PLA2G4F: variants seen among roughly 807,000 people sequenced by gnomAD.
The protein encoded by PLA2G4F is phospholipase A2 group IVF.
A neutral mutation model predicts 103.1 loss-of-function variants in PLA2G4F; 105 were observed. The observed-to-expected ratio is 1.02, with a 90% CI of 0.87 to 1.20. The LOEUF (loss-of-function observed/expected upper bound fraction) is 1.20, where lower values mean the gene tolerates loss of function less well. Ranked by LOEUF, PLA2G4F falls within the 50% of genes most tolerant of loss-of-function variation. The pLI, the probability that PLA2G4F is intolerant of heterozygous loss-of-function variation, is 0.00. For missense variants in PLA2G4F, 1,155 were observed against 1,075.9 expected (o/e 1.07, Z -1.03); for synonymous variants, 468 against 441.1 (o/e 1.06, Z -0.76).
At chr15:42,149,034 T>C in intron 11 of PLA2G4F, 1 of 985,332 alleles carries the variant, frequency 1.0e-6, no homozygotes, top group Non-Finnish European at 1.2e-6. Context: ...CCTGATCCCC[T>C]GTAAGTCCCT....
chr15:42,156,284 C>T (rs1360956577), intron 1 of PLA2G4F, among the ~76,000 whole-genome samples, 155 bp downstream of exon 1: 1 of 152,146 alleles, frequency 6.6e-6, no homozygotes, highest in Non-Finnish European at 1.5e-5. Flanking sequence ...TTTTAAGAGC[C>T]AAGGTCTAAT....
In PLA2G4F at chr15:42,150,481, G is replaced by C; in HGVS notation, c.777C>G (p.Gly259=). 6.2e-7 allele frequency: 1 copy of C among 1,611,926 alleles called. No homozygotes were observed. Among genetic ancestry groups the C allele is most frequent in the Non-Finnish European group, 8.5e-7 (1 of 1,179,324 alleles). ...TCTGAGCCTCCAACTCTGCGCTGGG[G>C]CCACTCTGTGGAAAAGAAAACACCC... The part of the protein sequence containing the change: ...LMELLAAVQS[G]PSAELEAQTS... Residue 259 remains glycine, a synonymous_variant, in exon 9 of 20, where the codon GGC becomes GGG. Coordinates refer to ENST00000397272, the MANE Select transcript of PLA2G4F (RefSeq NM_213600.4).
intron 7 of PLA2G4F, 52 bp from the exon 8 acceptor site, chr15:42,150,829 C>T: frequency 1.3e-6 from 2 of 1,570,518 alleles, no homozygotes; most frequent in Non-Finnish European, 1.7e-6. Context: ...GGGTCTGTGT[C>T]TCTGCGGCTT....
chr15:42,150,375 C>A lies in PLA2G4F; in HGVS notation c.883G>T (p.Glu295Ter). 6.2e-7 allele frequency: 1 copy of A among 1,606,536 alleles called. No individual in the cohort carries two copies. Residue 295 changes from glutamate to a stop codon, truncating the protein, a stop_gained and splice_region_variant, in exon 9 of 20, where the codon GAG (glutamate) becomes TAG (stop). Transcript: ENST00000397272. LOFTEE classifies it high-confidence loss of function. ...CTGGCACCCAGACAGAGCCTTACCT[C>A]CCCCAGGGCCACAGAACACTGTTCC... ...QEEQCSVALG[E>*]GQEVALSMKV...
At chr15:42,149,089 G>A (rs1193343189) in intron 11 of PLA2G4F, 1 of 985,240 alleles carries the variant, frequency 1.0e-6, no homozygotes, top group Non-Finnish European at 1.2e-6. Context: ...CAGGCTGGCT[G>A]TCTCTATACC....
chr15:42,142,223 G>C lies in PLA2G4F; in HGVS notation c.2330-19C>G. The C allele has an allele frequency of 6.3e-7, 1 of 1,597,342 alleles. No individual in the cohort carries two copies. Among genetic ancestry groups the C allele is most frequent in the East Asian group, 2.2e-5 (1 of 44,772 alleles). On this transcript the variant is annotated intron_variant, in intron 19 of 19. Transcript: ENST00000397272. ...TCCACACCTGTGGGTGGGGGAAGCA[G>C]AGGAGAGGCCAGGATGGAGCCCTCT...
rs1307109211 is a variant in PLA2G4F, at chr15:42,149,815, G to A, written c.957C>T (p.Asp319=). 6.2e-7 allele frequency: 1 copy of A among 1,614,188 alleles called. No individual in the cohort carries two copies. Among genetic ancestry groups the A allele is most frequent in the Non-Finnish European group, 8.5e-7 (1 of 1,180,028 alleles). The part of the protein sequence containing the change: ...SGDLDLRLGF[D]LSDGEQEFLD... ...GAAACTCCTGCTCCCCGTCAGAGAG[G>A]TCAAAGCCAAGGCGTAGGTCTAGGT... Residue 319 remains aspartate (D), a synonymous_variant, in exon 11 of 20, where the codon GAC becomes GAT. Coordinates refer to ENST00000397272, the MANE Select transcript of PLA2G4F (RefSeq NM_213600.4).
chr15:42,145,522 G>A lies in PLA2G4F; in HGVS notation c.1780+53C>T. On this transcript the variant is annotated intron_variant, in intron 16 of 19. Coordinates refer to ENST00000397272, the MANE Select transcript of PLA2G4F (RefSeq NM_213600.4). ...TCCCTCATTCTTCTTGTCTCTGCCA[G>A]GGCCCTGTTGCTGGAATGTGGTGTG... 2.6e-6 allele frequency: 4 copies of A among 1,533,968 alleles called. No homozygotes were observed. The South Asian group carries it at 4.5e-5, about 17-fold the overall frequency.
In PLA2G4F at chr15:42,142,429, G is replaced by A. The variant is rs367703440; in HGVS notation, c.2329+99C>T. 1.0e-3 allele frequency: 1,405 copies of A among 1,398,048 alleles called. 1 individual carries two copies. The highest frequency in any genetic ancestry group is 2.0e-3 in the Admixed American group (86 of 42,254). The allele number at this position is 1,398,048 out of a possible 1,614,324, so 86.6% of individuals were successfully genotyped here. ...GGCCAGCTCAGGCCCACCAGGAGGC[G>A]TGCTTAGTGACATTCTCCAGGGAAC... On this transcript the variant is annotated intron_variant, in intron 19 of 19. Transcript: ENST00000397272.
chr15:42,152,774 G>A lies in PLA2G4F; in HGVS notation c.535-20C>T, dbSNP rs750966314. On this transcript the variant is annotated intron_variant, in intron 6 of 19. Coordinates refer to ENST00000397272, the MANE Select transcript of PLA2G4F (RefSeq NM_213600.4). The stretch of plus-strand genomic sequence containing the variant: ...GTGAGCCTGAGGAAAGCAGAGGCCT[G>A]TAGGAGCCAGACAGCCCACGGCCCC... The A allele has an allele frequency of 3.2e-6, 5 of 1,552,034 alleles. No individual in the cohort carries two copies. The highest frequency in any genetic ancestry group is 2.0e-5 in the Admixed American group (1 of 51,078).
chr15:42,144,067 T>C lies in PLA2G4F; in HGVS notation c.2053A>G (p.Ile685Val), dbSNP rs764103829. Residue 685 changes from isoleucine to valine, a missense_variant, in exon 18 of 20, where the codon ATC becomes GTC. Physicochemically the swap from Ile to Val is conservative, Grantham distance 29. Around this residue, in one of 3 missense-constraint regions of PLA2G4F, gnomAD observed 782 missense variants for 692.9 expected, o/e 1.13. Transcript: ENST00000397272. Reference sequence around the variant, plus strand: ...AGAGCCAGTGGGAACGGAGAGTTGATGGCAAAGCCTCCGTCCACCAGGTAC... The same window carrying C: ...AGAGCCAGTGGGAACGGAGAGTTGACGGCAAAGCCTCCGTCCACCAGGTAC... ...CLYLVDGGFA[I>V]NSPFPLALLP... is the part of the protein sequence containing the mutation. 1.2e-6 allele frequency: 2 copies of C among 1,614,016 alleles called. No individual in the cohort carries two copies. The highest frequency in any genetic ancestry group is 4.5e-5 in the East Asian group (2 of 44,862).
chr15:42,150,486 T>G lies in PLA2G4F; in HGVS notation c.772A>C (p.Ser258Arg). The change falls in exon 9 of 20, where the codon AGT (serine) becomes CGT (arginine). Residue 258 changes from serine (S) to arginine (R), a missense_variant and splice_region_variant. By Grantham distance (110) the Ser-to-Arg change is moderately radical. This residue lies in a region of PLA2G4F where 370 missense variants were observed against 364.9 expected (regional missense o/e 1.01). Transcript: ENST00000397272. ...GCCTCCAACTCTGCGCTGGGGCCAC[T>G]CTGTGGAAAAGAAAACACCCAAGAA... is the stretch of plus-strand genomic sequence containing the variant. Reference protein sequence around the residue: ...ELMELLAAVQSGPSAELEAQT... With the variant: ...ELMELLAAVQRGPSAELEAQT... The G allele has an allele frequency of 6.2e-7, 1 of 1,611,316 alleles. No homozygotes were observed. The highest frequency in any genetic ancestry group is 8.5e-7 in the Non-Finnish European group (1 of 1,179,084).
chr15:42,144,043 G>C lies in PLA2G4F; in HGVS notation c.2077C>G (p.Leu693Val). Residue 693 changes from leucine (L) to valine (V), a missense_variant, in exon 18 of 20, where the codon CTG becomes GTG. This residue lies in a region of PLA2G4F where 782 missense variants were observed against 692.9 expected (regional missense o/e 1.13). Transcript: ENST00000397272. Reference protein sequence around the residue: ...FAINSPFPLALLPQRAVDLIL... With the variant: ...FAINSPFPLAVLPQRAVDLIL... ...AGGTCCACTGCTCTCTGAGGCAGCA[G>C]AGCCAGTGGGAACGGAGAGTTGATG... 2 of 1,614,066 alleles carry C rather than the reference G, an allele frequency of 1.2e-6. No individual in the cohort carries two copies. Among genetic ancestry groups the C allele is most frequent in the Middle Eastern group, 1.6e-4 (1 of 6,062 alleles).
rs763760354 is a variant in PLA2G4F, at chr15:42,153,311, C to G, written c.523G>C (p.Gly175Arg). The change falls in exon 6 of 20, where the codon GGG becomes CGG. Residue 175 changes from glycine to arginine, a missense_variant. Gly to Arg is a moderately radical substitution (Grantham distance 125). Transcript: ENST00000397272. ...QVPASEVITN[G>R]VLVAHPCLRI... Reference sequence around the variant, plus strand: ...CCTTCCCCACTCACCACCAGAACCCCGTTGGTGATGACTTCAGATGCAGGC... The same window carrying G: ...CCTTCCCCACTCACCACCAGAACCCGGTTGGTGATGACTTCAGATGCAGGC... The G allele has an allele frequency of 6.2e-7, 1 of 1,614,146 alleles. No homozygotes were observed. Among genetic ancestry groups the G allele is most frequent in the Non-Finnish European group, 8.5e-7 (1 of 1,179,978 alleles).
At position 42,147,139 on chromosome 15, in the gene PLA2G4F, A is replaced by G. The variant is rs2048897366; in HGVS notation, c.1404T>C (p.Tyr468=). The G allele has an allele frequency of 6.2e-7, 1 of 1,612,208 alleles. No homozygotes were observed. Among genetic ancestry groups the G allele is most frequent in the Non-Finnish European group, 8.5e-7 (1 of 1,179,794 alleles). Residue 468 remains tyrosine, a synonymous_variant, in exon 13 of 20, where the codon TAT becomes TAC. Transcript: ENST00000397272. ...LIDLWGLLVE[Y]LLYQEENPAK... ...CTTCTCTCACCTCCTGGTACAGGAG[A>G]TACTCAACAAGGAGGCCCCAGAGGT...
chr15:42,146,560 T>C, intron 13 of PLA2G4F: 1 of 287,692 alleles, frequency 3.5e-6, no homozygotes, highest in Non-Finnish European at 6.6e-6. Flanking sequence ...CCAATTTCTT[T>C]AAAAAATAAA....
Position 42,145,701 on chromosome 15 carries a change from C to A in PLA2G4F, c.1673-19G>T, listed in dbSNP as rs751609828. 6.2e-7 allele frequency: 1 copy of A among 1,613,746 alleles called. No individual in the cohort carries two copies. The highest frequency in any genetic ancestry group is 2.2e-5 in the East Asian group (1 of 44,876). On this transcript the variant is annotated intron_variant, in intron 15 of 19. Transcript: ENST00000397272. Reference sequence around the variant, plus strand: ...CACATACCTAAGGAGACAGGCAGGCCCCCACCCCACGTCAGGGCCTGGCCC... The same window carrying A: ...CACATACCTAAGGAGACAGGCAGGCACCCACCCCACGTCAGGGCCTGGCCC...
In PLA2G4F at chr15:42,144,074, G is replaced by C; in HGVS notation, c.2046C>G (p.Gly682=). The change falls in exon 18 of 20, where the codon GGC becomes GGG. Residue 682 remains glycine (G), a synonymous_variant. Transcript: ENST00000397272. ...MRDCLYLVDG[G]FAINSPFPLA... The stretch of plus-strand genomic sequence containing the variant: ...GTGGGAACGGAGAGTTGATGGCAAA[G>C]CCTCCGTCCACCAGGTACAGGCAGT... The C allele has an allele frequency of 6.2e-7, 1 of 1,614,062 alleles. No individual in the cohort carries two copies. Among genetic ancestry groups the C allele is most frequent in the Non-Finnish European group, 8.5e-7 (1 of 1,179,962 alleles).
chr15:42,153,666 T>A lies in PLA2G4F; in HGVS notation c.451-6A>T, dbSNP rs1566882073. Reference sequence around the variant, plus strand: ...ACCTGCAGCTCTTGTGAATCCTACATGGAGGGGGAGGGAGCACCAATTTTT... The same window carrying A: ...ACCTGCAGCTCTTGTGAATCCTACAAGGAGGGGGAGGGAGCACCAATTTTT... On this transcript the variant is annotated splice_polypyrimidine_tract_variant and splice_region_variant and intron_variant, in intron 4 of 19. Transcript: ENST00000397272. The A allele has an allele frequency of 5.6e-6, 9 of 1,614,092 alleles. No individual in the cohort carries two copies. Among genetic ancestry groups the A allele is most frequent in the Non-Finnish European group, 7.6e-6 (9 of 1,179,982 alleles).
Sources: allele counts gnomAD v4.1 joint callset (sites outside exome capture counted in the v4.1 genomes callset), GRCh38; gene constraint gnomAD v4.1.1; regional missense constraint gnomAD v4.1.1; transcripts MANE v1.5; gene names NCBI Gene and HGNC (gene_info 2026-07-23, HGNC 2026-07-21).